Variants in TSPAN1 observed in about 807,000 individuals in gnomAD.
The protein encoded by TSPAN1 is tetraspanin-1.
TSPAN1 carries 23 observed loss-of-function variants against 26.9 expected under a neutral mutation model. The observed-to-expected ratio is 0.85, with a 90% CI of 0.62 to 1.21. The LOEUF (loss-of-function observed/expected upper bound fraction) is 1.21. TSPAN1 is among the 50% of genes most tolerant of loss of function. The pLI, the probability that TSPAN1 is intolerant of heterozygous loss-of-function variation, is 0.00. For synonymous variants in TSPAN1, 115 were observed against 114.8 expected, an observed-to-expected ratio of 1.00 and a Z score of -0.01; for missense variants, 283 against 298.4, an observed-to-expected ratio of 0.95 and a Z score of 0.38.
At chr1:46,179,277 C>T (rs551076523) in intron 1 of TSPAN1, among the ~76,000 whole-genome samples, 21 of 150,666 alleles carry the variant, frequency 1.4e-4, no homozygotes, top group Non-Finnish European at 2.5e-4. Flanking sequence ...GTTGCCACTA[C>T]ACTCCAACCT....
At chr1:46,193,023 C>T in the TSPAN1 span, 1 of 1,607,480 alleles carries the variant, frequency 6.2e-7, no homozygotes, top group Non-Finnish European at 8.5e-7. Flanking sequence ...TCCTTTGCCC[C>T]CAACCCTCTT....
chr1:46,186,433 G>A (rs111508585), downstream of TSPAN1, among the ~76,000 whole-genome samples: 16 of 150,450 alleles, frequency 1.1e-4, no homozygotes, highest in African/African-American at 3.7e-4. Flanking sequence ...TCATTTTTTC[G>A]TTGCTGCTGG....
chr1:46,194,944 G>A, the TSPAN1 span: 1 of 1,614,144 alleles, frequency 6.2e-7, no homozygotes, highest in Middle Eastern at 1.6e-4. Context: ...TGTCCTTGAG[G>A]TGGAAGGAGC....
chr1:46,189,713 A>G, downstream of TSPAN1: 2 of 1,550,600 alleles, frequency 1.3e-6, no homozygotes, highest in Non-Finnish European at 1.7e-6. Context: ...GAATTTGGAC[A>G]AGGAGGTTGG....
the TSPAN1 span, chr1:46,193,780 A>G: frequency 1.2e-6 from 2 of 1,603,498 alleles, no homozygotes; most frequent in Non-Finnish European, 1.7e-6. Context: ...TGCCCACCTC[A>G]AGAGTTCCTC....
chr1:46,190,129 T>TG (rs1391289249), downstream of TSPAN1: 44 of 1,063,690 alleles, frequency 4.1e-5, no homozygotes, highest in South Asian at 6.8e-4. Flanking sequence ...GATGGAGTCT[T>TG]GCTCTGTCGC....
intron 3 of TSPAN1, among the ~76,000 whole-genome samples, chr1:46,182,079 C>T (rs374800501): frequency 2.0e-5 from 3 of 151,538 alleles, no homozygotes; most frequent in African/African-American, 7.3e-5. Context: ...TTGGAGATGA[C>T]GCCCATATCT....
Position 46,185,669 on chromosome 1 carries a change from C to T in TSPAN1, c.*136C>T, listed in dbSNP as rs373512282. 52 of 1,001,824 alleles carry T rather than the reference C, an allele frequency of 5.2e-5. No homozygotes were observed. The East Asian group carries it at 1.1e-3, about 22-fold the overall frequency. 62.1% of individuals were successfully genotyped at this position (1,001,824 alleles called of 1,614,324 possible). On this transcript the variant is annotated 3_prime_UTR_variant, in exon 9 of 9. Coordinates refer to ENST00000372003, the MANE Select transcript of TSPAN1 (RefSeq NM_005727.4). ...CAGAATGGACCTGCCCTTTCTGCTC[C>T]AGACTTGGGGCTAGATAGGGACCAC...
Position 46,185,233 on chromosome 1 carries a change from C to A in TSPAN1, c.603C>A (p.Phe201Leu). Reference sequence around the variant, plus strand: ...CTTTTCTCTTCCTGAAGGGTTGCTTCAATCAGCTTTTGTATGACATCCGAA... The same window carrying A: ...CTTTTCTCTTCCTGAAGGGTTGCTTAAATCAGCTTTTGTATGACATCCGAA... Reference protein sequence around the residue: ...KAHDQKVEGCFNQLLYDIRTN... With the variant: ...KAHDQKVEGCLNQLLYDIRTN... Residue 201 changes from phenylalanine (F) to leucine (L), a missense_variant, in exon 8 of 9, where the codon TTC becomes TTA. Transcript: ENST00000372003. The A allele has an allele frequency of 6.2e-7, 1 of 1,614,156 alleles. No homozygotes were observed. Among genetic ancestry groups the A allele is most frequent in the Non-Finnish European group, 8.5e-7 (1 of 1,180,040 alleles).
At chr1:46,184,423 T>C in intron 4 of TSPAN1, 26 bp downstream of exon 4, 2 of 1,613,818 alleles carry the variant, frequency 1.2e-6, no homozygotes, top group Non-Finnish European at 1.7e-6. Flanking sequence ...CTCCACAGGC[T>C]GATGACCAAG....
intron 5 of TSPAN1, 34 bp from the exon 6 acceptor site, chr1:46,184,751 T>G: frequency 6.2e-7 from 1 of 1,613,850 alleles, no homozygotes; most frequent in Non-Finnish European, 8.5e-7. Context: ...CCACCTTCTG[T>G]ACCAGCCCCT....
Position 46,185,534 on chromosome 1 carries a change from G to A in TSPAN1, c.*1G>A, listed in dbSNP as rs1385327204. ...GTATCTGTACTGCAATCTACAATAA[G>A]TCCACTTCTGCCTCTGCCACTACTG... On this transcript the variant is annotated 3_prime_UTR_variant, in exon 9 of 9. Coordinates refer to ENST00000372003, the MANE Select transcript of TSPAN1 (RefSeq NM_005727.4). 6.2e-7 allele frequency: 1 copy of A among 1,614,154 alleles called. No individual in the cohort carries two copies. The highest frequency in any genetic ancestry group is 8.5e-7 in the Non-Finnish European group (1 of 1,180,036).
chr1:46,183,202 G>C (rs781237357), intron 3 of TSPAN1, among the ~76,000 whole-genome samples: 3 of 152,160 alleles, frequency 2.0e-5, no homozygotes, highest in Non-Finnish European at 4.4e-5. Context: ...AGGGTTAAAG[G>C]CAAATCCGGT....
the TSPAN1 span, chr1:46,192,054 G>C: frequency 6.3e-7 from 1 of 1,586,884 alleles, no homozygotes; most frequent in South Asian, 1.1e-5. Context: ...TCTTGTTCTT[G>C]ACTGTCATGC....
chr1:46,183,246 A>G (rs1657353087), intron 3 of TSPAN1, among the ~76,000 whole-genome samples: 1 of 152,240 alleles, frequency 6.6e-6, no homozygotes, highest in Non-Finnish European at 1.5e-5. Context: ...AGACCTTGCC[A>G]GGCTGGGCAA....
At chr1:46,193,662 A>G in the TSPAN1 span, 1 of 1,613,972 alleles carries the variant, frequency 6.2e-7, no homozygotes, top group Non-Finnish European at 8.5e-7. Flanking sequence ...GGGATAGGTT[A>G]GGGTCACTTC....
the TSPAN1 span, chr1:46,196,072 C>T: frequency 1.9e-6 from 3 of 1,614,038 alleles, no homozygotes; most frequent in South Asian, 1.1e-5. The surrounding 1 kb of genome is among the most constrained non-coding windows in gnomAD (Gnocchi z 4.4). Flanking sequence ...CCTCATCCTC[C>T]AGCACCTACA....
At chr1:46,190,541 C>T (rs1328320678), downstream of TSPAN1, 1 of 1,591,580 alleles carries the variant, frequency 6.3e-7, no homozygotes, top group Non-Finnish European at 8.6e-7. Context: ...AGAAATGGGT[C>T]AGGGGAGTGG....
Position 46,185,710 on chromosome 1 carries a change from C to T in TSPAN1, c.*177C>T. On this transcript the variant is annotated 3_prime_UTR_variant, in exon 9 of 9. Transcript: ENST00000372003. Reference sequence around the variant, plus strand: ...TAGGGACCACTCCTTTTAGGCGATGCCTGACTTTCCTTCCATTGGTGGGTG... The same window carrying T: ...TAGGGACCACTCCTTTTAGGCGATGTCTGACTTTCCTTCCATTGGTGGGTG... The T allele has an allele frequency of 5.8e-6, 4 of 690,158 alleles. No individual in the cohort carries two copies. The highest frequency in any genetic ancestry group is 9.8e-6 in the Non-Finnish European group (4 of 406,390). 42.8% of individuals were successfully genotyped at this position (690,158 alleles called of 1,614,324 possible). A position where few individuals can be genotyped will look rare whatever the true frequency, so the allele number is the denominator to read the frequency against.
Sources: gnomAD v4.1 joint callset for allele counts (sites outside exome capture counted in the v4.1 genomes callset) on GRCh38, gnomAD v4.1.1 for gene constraint, Gnocchi (gnomAD v3.1) non-coding constraint, MANE v1.5 for transcripts, NCBI Gene and HGNC (gene_info 2026-07-23, HGNC 2026-07-21) for gene names.